FGGY: variants seen among roughly 807,000 people sequenced by gnomAD.
FGGY encodes the protein FGGY carbohydrate kinase domain-containing protein.
FGGY carries 72 observed loss-of-function variants against 71.3 expected under a neutral mutation model. That is an observed-to-expected ratio of 1.01 (90% CI 0.84 to 1.23). The LOEUF (loss-of-function observed/expected upper bound fraction) is 1.23. FGGY is among the 50% of genes most tolerant of loss of function. The pLI, the probability that FGGY is intolerant of heterozygous loss-of-function variation, is 0.00. For synonymous variants in FGGY, 251 were observed against 250.3 expected, an observed-to-expected ratio of 1.00 and a Z score of -0.02; for missense variants, 668 against 682.3, an observed-to-expected ratio of 0.98 and a Z score of 0.23.
chr1:59,366,711 G>T (rs761826407), intron 4 of FGGY, among the ~76,000 whole-genome samples: 5 of 151,752 alleles, frequency 3.3e-5, no homozygotes, highest in Non-Finnish European at 7.4e-5. Flanking sequence ...TCATGAGTTA[G>T]ACTTGGCTCT....
chr1:59,561,448 G>A (rs1328474087), intron 8 of FGGY, among the ~76,000 whole-genome samples: 1 of 152,156 alleles, frequency 6.6e-6, no homozygotes, highest in Non-Finnish European at 1.5e-5. Context: ...GAGACAGACT[G>A]TGCACTCAAG....
chr1:59,355,832 T>C (rs1367758285), intron 4 of FGGY, among the ~76,000 whole-genome samples: 2 of 152,148 alleles, frequency 1.3e-5, no homozygotes, highest in East Asian at 3.9e-4. Flanking sequence ...AGGGCACTCA[T>C]TTCTTCCCAC....
chr1:59,655,781 C>T (rs933041327), intron 11 of FGGY, among the ~76,000 whole-genome samples: 2 of 152,112 alleles, frequency 1.3e-5, no homozygotes, highest in Admixed American at 6.5e-5. Context: ...CAAATGATAC[C>T]TCATGTAATC....
At position 59,709,859 on chromosome 1, in the gene FGGY, C is replaced by T. The variant is rs189806892; in HGVS notation, c.1512+35726C>T. ...CTGACAGGTGACTTCCAAGGCTTTCCAAATTCTACATGGAACCCCTCTGTG... is the reference window on the plus strand; with the variant it reads ...CTGACAGGTGACTTCCAAGGCTTTCTAAATTCTACATGGAACCCCTCTGTG... On this transcript the variant is annotated intron_variant, in intron 14 of 15. Coordinates refer to ENST00000303721, the MANE Select transcript of FGGY (RefSeq NM_018291.5). Among the ~76,000 whole-genome samples, 103 of 152,330 alleles carry T rather than the reference C, an allele frequency of 6.8e-4. 1 individual carries two copies. Among genetic ancestry groups the T allele is most frequent in the African/African-American group, 2.4e-3 (100 of 41,566 alleles).
chr1:59,681,856 C>G (rs1001671516), intron 14 of FGGY, among the ~76,000 whole-genome samples: 2 of 151,858 alleles, frequency 1.3e-5, no homozygotes, highest in Non-Finnish European at 2.9e-5. Context: ...AGGTTCGATT[C>G]AGAGTGTGGA....
chr1:59,429,768 G>A (rs1226881973), intron 5 of FGGY, among the ~76,000 whole-genome samples: 1 of 152,200 alleles, frequency 6.6e-6, no homozygotes, highest in Non-Finnish European at 1.5e-5. Context: ...AAATAGGCCA[G>A]TATTGGCTAG....
chr1:59,577,945 T>C lies in FGGY; in HGVS notation c.903+23718T>C, dbSNP rs144659375. Among the ~76,000 whole-genome samples, 135 of 152,264 alleles carry C rather than the reference T, an allele frequency of 8.9e-4. 1 individual carries two copies. Among genetic ancestry groups the C allele is most frequent in the African/African-American group, 3.1e-3 (130 of 41,530 alleles). ...AGCCACATGTAACAGAATGTTACCA[T>C]AGGGCTCTTCCTATCTTGGAGGTTT... is the stretch of plus-strand genomic sequence containing the variant. On this transcript the variant is annotated intron_variant, in intron 8 of 15. Coordinates refer to ENST00000303721, the MANE Select transcript of FGGY (RefSeq NM_018291.5).
chr1:59,330,109 G>A (rs760512115), intron 2 of FGGY, among the ~76,000 whole-genome samples: 2 of 152,040 alleles, frequency 1.3e-5, no homozygotes, highest in Non-Finnish European at 2.9e-5. Context: ...TTCATTTTTT[G>A]TTATCAAATA....
chr1:59,473,936 T>A lies in FGGY; in HGVS notation c.670+16860T>A, dbSNP rs547476484. On this transcript the variant is annotated intron_variant, in intron 6 of 15. Coordinates refer to ENST00000303721, the MANE Select transcript of FGGY (RefSeq NM_018291.5). ...TGCCCCTTAGCTATCCTCCCTTCCATAAAGGTTTGTTGTGAAGCTGGAATG... is the reference window on the plus strand; with the variant it reads ...TGCCCCTTAGCTATCCTCCCTTCCAAAAAGGTTTGTTGTGAAGCTGGAATG... Among the ~76,000 whole-genome samples the A allele has an allele frequency of 1.7e-4, 26 of 152,260 alleles. 1 individual carries two copies. The highest frequency in any genetic ancestry group is 1.6e-3 in the Admixed American group (24 of 15,288).
intron 5 of FGGY, among the ~76,000 whole-genome samples, chr1:59,451,279 C>T (rs2072633998): frequency 6.6e-6 from 1 of 151,840 alleles, no homozygotes; most frequent in Non-Finnish European, 1.5e-5. Flanking sequence ...TTTCAAGGAA[C>T]GTTTTCTGTG....
At chr1:59,456,732 G>A (rs549432813) in intron 5 of FGGY, among the ~76,000 whole-genome samples, 96 of 152,318 alleles carry the variant, frequency 6.3e-4, no homozygotes, top group Middle Eastern at 3.4e-3. Context: ...ACAGGTGTGT[G>A]CCACTGTGCC....
chr1:59,416,131 A>C (rs1239595176), intron 5 of FGGY, among the ~76,000 whole-genome samples: 4 of 152,222 alleles, frequency 2.6e-5, no homozygotes, highest in Non-Finnish European at 2.9e-5. Context: ...TTTCAGCTGC[A>C]GTGACAATGC....
intron 6 of FGGY, among the ~76,000 whole-genome samples, chr1:59,465,369 A>G (rs2092552684): frequency 6.6e-6 from 1 of 152,202 alleles, no homozygotes; most frequent in Admixed American, 6.5e-5. Context: ...AAATAATAAG[A>G]GCTGTTTATG....
intron 8 of FGGY, among the ~76,000 whole-genome samples, chr1:59,586,398 A>G (rs941248222): frequency 1.3e-5 from 2 of 152,168 alleles, no homozygotes; most frequent in African/African-American, 4.8e-5. Flanking sequence ...TTAGTAAGCT[A>G]TCGCAAGGAC....
chr1:59,360,746 A>G (rs1323759849), intron 4 of FGGY, among the ~76,000 whole-genome samples: 1 of 152,356 alleles, frequency 6.6e-6, no homozygotes, highest in Admixed American at 6.5e-5. Context: ...GGCAGGTAAG[A>G]AATCTAAGAG....
chr1:59,567,145 GC>G (rs1454292866), intron 8 of FGGY, among the ~76,000 whole-genome samples: 1 of 152,144 alleles, frequency 6.6e-6, no homozygotes, highest in Admixed American at 6.5e-5. Flanking sequence ...GAAAGGCTGG[GC>G]AGAGAAAGGG....
chr1:59,633,165 C>T (rs966637143), intron 10 of FGGY, among the ~76,000 whole-genome samples: 3 of 151,946 alleles, frequency 2.0e-5, no homozygotes, highest in Non-Finnish European at 4.4e-5. Context: ...CGCCTGCCAC[C>T]GCGCCCGGCT....
At chr1:59,304,246 AT>A (rs2043146304) in intron 1 of FGGY, among the ~76,000 whole-genome samples, 1 of 151,978 alleles carries the variant, frequency 6.6e-6, no homozygotes, top group Non-Finnish European at 1.5e-5. Flanking sequence ...TTTTGAGTTG[AT>A]TTTTGTGTAT....
chr1:59,438,598 A>G (rs113159922), intron 5 of FGGY, among the ~76,000 whole-genome samples: 5 of 152,336 alleles, frequency 3.3e-5, no homozygotes, highest in African/African-American at 1.2e-4. Flanking sequence ...AACTCATGTT[A>G]GTTCCCTGTG....
Sources: allele counts gnomAD v4.1 joint callset (sites outside exome capture counted in the v4.1 genomes callset), GRCh38; gene constraint gnomAD v4.1.1; transcripts MANE v1.5; gene names NCBI Gene and HGNC (gene_info 2026-07-23, HGNC 2026-07-21).